CHTF18: variants seen among roughly 807,000 people sequenced by gnomAD.
CHTF18 encodes the protein chromosome transmission fidelity factor 18.
In CHTF18, 151 loss-of-function variants were observed where a neutral mutation model predicts 113.4. The ratio of observed to expected loss-of-function variants is 1.33; its 90% CI spans 1.17 to 1.52. The LOEUF is 1.52. Ranked by LOEUF, CHTF18 falls within the 40% of genes most tolerant of loss-of-function variation. The pLI, the probability that CHTF18 is intolerant of heterozygous loss-of-function variation, is 0.00. For synonymous variants in CHTF18, 916 were observed against 598.8 expected (o/e 1.53, Z -7.74); for missense variants, 1,982 against 1,381.6 (o/e 1.43, Z -6.89).
chr16:789,137 G>C lies in CHTF18; in HGVS notation c.286+12G>C. 5 of 1,547,206 alleles carry C rather than the reference G, an allele frequency of 3.2e-6. No individual in the cohort carries two copies. The highest frequency in any genetic ancestry group is 3.5e-6 in the Non-Finnish European group (4 of 1,145,738). On this transcript the variant is annotated intron_variant, in intron 2 of 21. Transcript: ENST00000262315. ...GTCCCTGCCCCACGGTAGGTTGGCGGCATTGCCCCAGGGCCTCCGGAGTGG... is the reference window on the plus strand; with the variant it reads ...GTCCCTGCCCCACGGTAGGTTGGCGCCATTGCCCCAGGGCCTCCGGAGTGG...
chr16:797,241 A>G (rs2042376571), intron 20 of CHTF18, 149 bp downstream of exon 20: 2 of 912,842 alleles, frequency 2.2e-6, no homozygotes, highest in Non-Finnish European at 3.0e-6. Flanking sequence ...AGGCAGGGCC[A>G]GGGTACCTTC....
intron 8 of CHTF18, 158 bp from the exon 9 acceptor site, chr16:791,693 T>G: frequency 7.0e-7 from 1 of 1,430,846 alleles, no homozygotes; most frequent in East Asian, 2.5e-5. Flanking sequence ...GTTGCCATCT[T>G]GGTGTGTGAA....
In CHTF18 at chr16:790,618, G is replaced by T. The variant is rs750153098; in HGVS notation, c.846G>T (p.Trp282Cys). 3.1e-6 allele frequency: 5 copies of T among 1,593,680 alleles called. No homozygotes were observed. Among genetic ancestry groups the T allele is most frequent in the Non-Finnish European group, 4.3e-6 (5 of 1,171,986 alleles). The change falls in exon 7 of 22, where the codon TGG becomes TGT. Residue 282 changes from tryptophan to cysteine, a missense_variant. By Grantham distance (215) the Trp-to-Cys change is radical. Transcript: ENST00000262315. ...AAGACGCCTCCAGTCACTGCCTCTGGGTGGATGAGTTTGCACCCCGCCACT... is the reference window on the plus strand; with the variant it reads ...AAGACGCCTCCAGTCACTGCCTCTGTGTGGATGAGTTTGCACCCCGCCACT... ...DGQDASSHCL[W>C]VDEFAPRHYT... is the part of the protein sequence containing the mutation.
chr16:797,629 TG>T, intron 20 of CHTF18, 64 bp from the exon 21 acceptor site: 1 of 1,564,658 alleles, frequency 6.4e-7, no homozygotes, highest in Non-Finnish European at 8.8e-7. Context: ...TCGGTCCTCC[TG>T]TCTTGGGTAG....
Position 797,795 on chromosome 16 carries a change from G to A in CHTF18, c.2791+44G>A, listed in dbSNP as rs780788154. ...TGGGGTTGTGGGGGGCCTGGGGGTT[G>A]TGGGGGGGCCTTACAGCTGAGGAGC... On this transcript the variant is annotated intron_variant, in intron 21 of 21. Transcript: ENST00000262315. 3.0e-5 allele frequency: 47 copies of A among 1,580,926 alleles called. 1 individual carries two copies. The highest frequency in any genetic ancestry group is 1.8e-4 in the Admixed American group (10 of 55,508).
Position 797,198 on chromosome 16 carries a change from G to T in CHTF18, c.2733+106G>T, listed in dbSNP as rs2042375285. 6.0e-6 allele frequency: 8 copies of T among 1,339,340 alleles called. No homozygotes were observed. In the South Asian group the frequency reaches 1.4e-4, roughly 23 times the overall value. 83.0% of individuals were successfully genotyped at this position (1,339,340 alleles called of 1,614,324 possible). A position where few individuals can be genotyped will look rare whatever the true frequency, so the allele number is the denominator to read the frequency against. On this transcript the variant is annotated intron_variant, in intron 20 of 21. Transcript: ENST00000262315. ...AAGGCACCCATGGGGTGGGGCCAGG[G>T]TACCTTTGTGGGTGTGGCTAGGGCC... is the stretch of plus-strand genomic sequence containing the variant.
At chr16:793,312 G>A in intron 14 of CHTF18, 38 bp downstream of exon 14, 1 of 1,599,964 alleles carries the variant, frequency 6.3e-7, no homozygotes, top group East Asian at 2.2e-5. Context: ...GATGCTCACG[G>A]TGCCCGGACC....
At position 789,359 on chromosome 16, in the gene CHTF18, G is replaced by T; in HGVS notation, c.436G>T (p.Gly146Ter). 1.3e-6 allele frequency: 2 copies of T among 1,584,830 alleles called. No homozygotes were observed. The highest frequency in any genetic ancestry group is 1.7e-6 in the Non-Finnish European group (2 of 1,166,684). The change falls in exon 3 of 22, where the codon GGA becomes TGA. Residue 146 changes from glycine to a stop codon, truncating the protein, a stop_gained and splice_region_variant. Transcript: ENST00000262315. LOFTEE classifies it high-confidence loss of function. Reference protein sequence around the residue: ...PEDLAELWGHGVSEAAADVGL... With the variant: ...PEDLAELWGH ...GGACCTCGCAGAGCTTTGGGGCCACGGGTGTGTGGCTTGGACATGGGCGTC... is the reference window on the plus strand; with the variant it reads ...GGACCTCGCAGAGCTTTGGGGCCACTGGTGTGTGGCTTGGACATGGGCGTC...
chr16:797,554 T>C (rs2042387802), intron 20 of CHTF18, 140 bp from the exon 21 acceptor site: 1 of 817,310 alleles, frequency 1.2e-6, no homozygotes, highest in Non-Finnish European at 1.9e-6. Flanking sequence ...GAGGGGCAGC[T>C]GGCCTGGGCC....
intron 7 of CHTF18, 108 bp from the exon 8 acceptor site, chr16:791,053 C>T: frequency 6.7e-6 from 10 of 1,497,730 alleles, no homozygotes; most frequent in Admixed American, 2.1e-5. Flanking sequence ...GGCCATTCAT[C>T]CTGTGGCTTG....
chr16:797,231 A>T (rs1365942233), intron 20 of CHTF18, 139 bp downstream of exon 20: 1 of 950,966 alleles, frequency 1.1e-6, no homozygotes, highest in Admixed American at 3.8e-5. Context: ...GCCCCTCATG[A>T]GGCAGGGCCA....
In CHTF18 at chr16:796,087, C is replaced by T. The variant is rs749965457; in HGVS notation, c.2456+10C>T. On this transcript the variant is annotated intron_variant, in intron 18 of 21. Transcript: ENST00000262315. ...TCTACAGGCTGGAGCCGTGAGTCCC[C>T]CAGTGCCTGGGGTGTGCTCCAGGGT... is the stretch of plus-strand genomic sequence containing the variant. 5.6e-6 allele frequency: 9 copies of T among 1,596,358 alleles called. No homozygotes were observed. The East Asian group carries it at 2.0e-4, about 36-fold the overall frequency.
At position 796,745 on chromosome 16, in the gene CHTF18, G is replaced by A; in HGVS notation, c.2485G>A (p.Glu829Lys). 1.2e-6 allele frequency: 2 copies of A among 1,605,240 alleles called. No homozygotes were observed. Among genetic ancestry groups the A allele is most frequent in the South Asian group, 1.1e-5 (1 of 91,050 alleles). The change falls in exon 19 of 22, where the codon GAG becomes AAG. Residue 829 changes from glutamate to lysine, a missense_variant. Transcript: ENST00000262315. ...PNVEELCRFP[E>K]LPARKPLTYQ... ...CGTGGAGGAACTCTGCCGCTTCCCTGAGCTGCCTGCCCGCAAGCCCCTCAC... is the reference window on the plus strand; with the variant it reads ...CGTGGAGGAACTCTGCCGCTTCCCTAAGCTGCCTGCCCGCAAGCCCCTCAC...
intron 18 of CHTF18, chr16:796,471 C>T (rs1335749547): frequency 6.8e-6 from 4 of 584,978 alleles, no homozygotes; most frequent in Middle Eastern, 4.5e-4. Context: ...GACGCTGAGT[C>T]ACTCTCCGTG....
chr16:788,683 G>T lies in CHTF18; in HGVS notation c.-2G>T, dbSNP rs2042063290. ...GAGCGGGAGCTCGGGCTCGCGGACGGTATGGAGGACTACGAGCAGGAGCTG... is the reference window on the plus strand; with the variant it reads ...GAGCGGGAGCTCGGGCTCGCGGACGTTATGGAGGACTACGAGCAGGAGCTG... On this transcript the variant is annotated 5_prime_UTR_variant, in exon 1 of 22. Coordinates refer to ENST00000262315, the MANE Select transcript of CHTF18 (RefSeq NM_022092.3). The T allele has an allele frequency of 3.2e-6, 5 of 1,587,208 alleles. No individual in the cohort carries two copies. The highest frequency in any genetic ancestry group is 4.3e-6 in the Non-Finnish European group (5 of 1,169,308).
Position 795,986 on chromosome 16 carries a change from C to G in CHTF18, c.2365C>G (p.Leu789Val). The stretch of plus-strand genomic sequence containing the variant: ...GTACAGCACCCGTGAAAAGCAACAG[C>G]TGGCCAGCCTGGTGGGCACGATGCT... ...QLYSTREKQQ[L>V]ASLVGTMLAY... The change falls in exon 18 of 22, where the codon CTG (leucine) becomes GTG (valine). Residue 789 changes from leucine to valine, a missense_variant. Leu to Val is a conservative substitution (Grantham distance 32). Transcript: ENST00000262315. 1 of 1,608,720 alleles carries G rather than the reference C, an allele frequency of 6.2e-7. No individual in the cohort carries two copies. Among genetic ancestry groups the G allele is most frequent in the Non-Finnish European group, 8.5e-7 (1 of 1,178,176 alleles).
chr16:797,948 C>T lies in CHTF18; in HGVS notation c.2901C>T (p.Arg967=), dbSNP rs1199442232. The T allele has an allele frequency of 4.3e-6, 7 of 1,612,198 alleles. No homozygotes were observed. In the East Asian group the frequency reaches 8.9e-5, roughly 21 times the overall value. ...AGGGTGTCTCCAACGCCGTGCGGCG[C>T]AGCCTGTACATCAGGGACTTGCTCT... is the stretch of plus-strand genomic sequence containing the variant. The part of the protein sequence containing the change: ...FNEGVSNAVR[R]SLYIRDLL The change falls in exon 22 of 22, where the codon CGC becomes CGT. Residue 967 remains arginine (R), a synonymous_variant. Coordinates refer to ENST00000262315, the MANE Select transcript of CHTF18 (RefSeq NM_022092.3).
At chr16:796,184 C>T in intron 18 of CHTF18, 107 bp downstream of exon 18, 5 of 1,424,104 alleles carry the variant, frequency 3.5e-6, no homozygotes, top group South Asian at 2.7e-5. Context: ...GTCATGGCGT[C>T]TGGGGGTGGC....
intron 15 of CHTF18, 123 bp downstream of exon 15, chr16:794,324 G>T: frequency 1.7e-6 from 2 of 1,190,958 alleles, no homozygotes. Flanking sequence ...AGAGAGGCAG[G>T]TTCGGGAAAT....
Sources: allele counts gnomAD v4.1 joint callset, GRCh38; gene constraint gnomAD v4.1.1; transcripts MANE v1.5; gene names NCBI Gene and HGNC (gene_info 2026-07-23, HGNC 2026-07-21).